The following CNTNAP5 variants were observed in gnomAD, a reference collection of about 807,000 sequenced individuals.
CNTNAP5 encodes the protein contactin associated protein family member 5.
In CNTNAP5, 72 loss-of-function variants were observed where a neutral mutation model predicts 150.2. That is an observed-to-expected ratio of 0.48 (90% CI 0.40 to 0.58). The LOEUF (loss-of-function observed/expected upper bound fraction) is 0.58, where lower values mean the gene tolerates loss of function less well. Among genes scored for constraint, CNTNAP5 ranks in the 20% least tolerant of loss-of-function variants. CNTNAP5 has a pLI of 0.00. For synonymous variants in CNTNAP5, 672 were observed against 619.8 expected (o/e 1.08, Z -1.25); for missense variants, 1,636 against 1,626.2 (o/e 1.01, Z -0.10).
chr2:124,685,031 C>A (rs1679159106), intron 13 of CNTNAP5, among the ~76,000 whole-genome samples: 2 of 152,072 alleles, frequency 1.3e-5, no homozygotes. Context: ...CCACTTCCAC[C>A]CCTCATGCCT....
chr2:124,749,942 C>G (rs1680689960), intron 14 of CNTNAP5, among the ~76,000 whole-genome samples: 1 of 152,112 alleles, frequency 6.6e-6, no homozygotes, highest in Admixed American at 6.5e-5. Flanking sequence ...CTAAAACTTT[C>G]CACTGATCTC....
intron 11 of CNTNAP5, among the ~76,000 whole-genome samples, chr2:124,565,180 A>G (rs1695988894): frequency 6.6e-6 from 1 of 152,222 alleles, no homozygotes; most frequent in Non-Finnish European, 1.5e-5. Flanking sequence ...CAATTTAGAG[A>G]AGAACTAGTC....
intron 1 of CNTNAP5, among the ~76,000 whole-genome samples, chr2:124,073,836 G>T (rs1682373362): frequency 6.6e-6 from 1 of 152,062 alleles, no homozygotes; most frequent in South Asian, 2.1e-4. Flanking sequence ...CCACTGCTGG[G>T]TATATACTCA....
In CNTNAP5 at chr2:124,670,175, T is replaced by C. The variant is rs11679922; in HGVS notation, c.2077+22217T>C. 9.0e-3 allele frequency among the ~76,000 whole-genome samples: 1,221 copies of C among 136,400 alleles called. 19 individuals carry two copies. The highest frequency in any genetic ancestry group is 0.026 in the African/African-American group (899 of 34,430). The allele number at this position is 136,400 out of a possible 152,430, so 89.5% of individuals were successfully genotyped here. A position where few individuals can be genotyped will look rare whatever the true frequency, so the allele number is the denominator to read the frequency against. On this transcript the variant is annotated intron_variant, in intron 13 of 23. Coordinates refer to ENST00000682447, the MANE Select transcript of CNTNAP5 (RefSeq NM_001367498.1). ...TTCCTTCCTTCCTTCCTTCCTTCCT[T>C]CCTCCCTCTCTTTCTCTTTCTCTCT...
chr2:124,363,575 A>G (rs527692120), intron 3 of CNTNAP5, among the ~76,000 whole-genome samples: 1 of 152,364 alleles, frequency 6.6e-6, no homozygotes, highest in African/African-American at 2.4e-5. Context: ...TCCAAAAAAT[A>G]TAAACAGAAT....
At chr2:124,787,483 T>G (rs1403958102) in intron 17 of CNTNAP5, among the ~76,000 whole-genome samples, 1 of 152,202 alleles carries the variant, frequency 6.6e-6, no homozygotes, top group Non-Finnish European at 1.5e-5. Context: ...TGAACACATA[T>G]TGTATTCTAT....
chr2:124,808,775 G>C (rs938802632), intron 19 of CNTNAP5, among the ~76,000 whole-genome samples: 4 of 152,088 alleles, frequency 2.6e-5, no homozygotes, highest in African/African-American at 7.2e-5. Flanking sequence ...CAGTTTTCCT[G>C]TTCAGGCTAA....
chr2:124,636,838 G>T (rs73952850), intron 12 of CNTNAP5, among the ~76,000 whole-genome samples: 2,023 of 152,168 alleles, frequency 0.013, 46 homozygotes, highest in African/African-American at 0.046. Context: ...ATAATGAGTA[G>T]CCAGATACCC....
At chr2:124,569,324 ATAGAGATTAT>A (rs1696100638) in intron 11 of CNTNAP5, among the ~76,000 whole-genome samples, 1 of 152,196 alleles carries the variant, frequency 6.6e-6, no homozygotes, top group Admixed American at 6.5e-5. Flanking sequence ...GCATATTAAA[ATAGAGATTAT>A]TATTGACCCT....
chr2:124,365,746 G>C (rs757702254), intron 3 of CNTNAP5, among the ~76,000 whole-genome samples: 1 of 152,104 alleles, frequency 6.6e-6, no homozygotes, highest in African/African-American at 2.4e-5. Context: ...TTAACTTAAA[G>C]ATTATATAGG....
chr2:124,117,624 AG>A (rs1683458880), intron 1 of CNTNAP5, among the ~76,000 whole-genome samples: 1 of 152,244 alleles, frequency 6.6e-6, no homozygotes, highest in Admixed American at 6.5e-5. Context: ...AATAGTACTC[AG>A]TAAAAAAAGC....
intron 3 of CNTNAP5, among the ~76,000 whole-genome samples, chr2:124,288,683 T>A (rs1222714690): frequency 1.3e-5 from 2 of 152,168 alleles, no homozygotes; most frequent in African/African-American, 4.8e-5. Context: ...TCTCAAGTGA[T>A]TTTCCACTCC....
At chr2:124,664,495 G>A (rs74466921) in intron 13 of CNTNAP5, among the ~76,000 whole-genome samples, 5,817 of 152,192 alleles carry the variant, frequency 0.038, 186 homozygotes, top group Non-Finnish European at 0.054. Flanking sequence ...TCTGTGTTAA[G>A]TTTTCTCCTC....
Position 124,538,980 on chromosome 2 carries a change from C to T in CNTNAP5, c.1649+11524C>T, listed in dbSNP as rs78729680. Among the ~76,000 whole-genome samples, 498 of 152,296 alleles carry T rather than the reference C, an allele frequency of 3.3e-3. 3 individuals are homozygous for T. The highest frequency in any genetic ancestry group is 0.011 in the African/African-American group (469 of 41,572). On this transcript the variant is annotated intron_variant, in intron 10 of 23. Transcript: ENST00000682447. The stretch of plus-strand genomic sequence containing the variant: ...GCCAATGTCACATTAATTTTTTCCT[C>T]ATTTACATTGATGTCCACTCATGGG...
intron 1 of CNTNAP5, among the ~76,000 whole-genome samples, chr2:124,193,677 C>G (rs1685510277): frequency 6.6e-6 from 1 of 152,132 alleles, no homozygotes; most frequent in African/African-American, 2.4e-5. Flanking sequence ...CCTCACTGGA[C>G]AAGGAGGGAG....
At chr2:124,661,109 A>G (rs915769119) in intron 13 of CNTNAP5, among the ~76,000 whole-genome samples, 1 of 152,148 alleles carries the variant, frequency 6.6e-6, no homozygotes, top group Non-Finnish European at 1.5e-5. Context: ...GCCACTGTAC[A>G]CTTTATAAAC....
chr2:124,525,686 C>T (rs1694948443), intron 9 of CNTNAP5, among the ~76,000 whole-genome samples: 1 of 152,138 alleles, frequency 6.6e-6, no homozygotes, highest in African/African-American at 2.4e-5. Context: ...TGACCTTTAC[C>T]TCAAATGTCC....
chr2:124,859,931 G>C (rs1486514165), intron 19 of CNTNAP5, among the ~76,000 whole-genome samples: 1 of 152,044 alleles, frequency 6.6e-6, no homozygotes, highest in African/African-American at 2.4e-5. Context: ...AGCAGGGAGG[G>C]ATAGCATTAG....
chr2:124,732,716 A>G (rs1262347507), intron 13 of CNTNAP5, among the ~76,000 whole-genome samples: 9 of 152,186 alleles, frequency 5.9e-5, no homozygotes, highest in African/African-American at 1.7e-4. Context: ...CATAAGAAAA[A>G]TGCACTGAAT....
Sources: gnomAD v4.1 joint callset for allele counts (sites outside exome capture counted in the v4.1 genomes callset) on GRCh38, gnomAD v4.1.1 for gene constraint, MANE v1.5 for transcripts, NCBI Gene and HGNC (gene_info 2026-07-23, HGNC 2026-07-21) for gene names.